PDIK1L: variants seen among roughly 807,000 people sequenced by gnomAD.
PDIK1L encodes the protein serine/threonine-protein kinase PDIK1L.
A neutral mutation model predicts 27.1 loss-of-function variants in PDIK1L; 9 were observed. The observed-to-expected ratio is 0.33, with a 90% CI of 0.20 to 0.58. PDIK1L has a LOEUF of 0.58. Ranked by LOEUF, PDIK1L falls within the 20% of genes least tolerant of loss-of-function variation. PDIK1L has a pLI of 0.86. For synonymous variants in PDIK1L, 130 were observed against 141.7 expected, an observed-to-expected ratio of 0.92 and a Z score of 0.59; for missense variants, 216 against 413.2, an observed-to-expected ratio of 0.52 and a Z score of 4.14.
rs1557599713 is a variant in PDIK1L, at chr1:26,124,221, C to G, written c.*1644C>G. The G allele has an allele frequency of 6.6e-6, 1 of 152,312 alleles. No homozygotes were observed. Among genetic ancestry groups the G allele is most frequent in the Non-Finnish European group, 1.5e-5 (1 of 67,988 alleles). The allele number at this position is 152,312 out of a possible 1,614,324, so 9.4% of individuals were successfully genotyped here. A position where few individuals can be genotyped will look rare whatever the true frequency, so the allele number is the denominator to read the frequency against. On this transcript the variant is annotated 3_prime_UTR_variant, in exon 3 of 3. Transcript: ENST00000374269. ...AATTGCAGTACATAAAATTTCTGGACTATGTTAGTTACTTGATCTGGAAGT... is the reference window on the plus strand; with the variant it reads ...AATTGCAGTACATAAAATTTCTGGAGTATGTTAGTTACTTGATCTGGAAGT...
At chr1:26,116,683 G>T (rs1054337830) in intron 2 of PDIK1L, among the ~76,000 whole-genome samples, 2 of 152,162 alleles carry the variant, frequency 1.3e-5, no homozygotes, top group African/African-American at 2.4e-5. Context: ...TTATATTGCA[G>T]TTTAGCACTC....
chr1:26,117,015 CTTTTTTTTTTTT>C (rs60381058), intron 2 of PDIK1L, among the ~76,000 whole-genome samples: 3 of 103,564 alleles, frequency 2.9e-5, no homozygotes, highest in South Asian at 3.2e-4. Context: ...TGCGCCCAAC[CTTTTTTTTTTTT>C]TTTTTTTTTT....
rs1488066640 is a variant in PDIK1L at position 26,122,894 on chromosome 1, C to CTTA, written c.*317_*318insTTA. On this transcript the variant is annotated 3_prime_UTR_variant, in exon 3 of 3. Coordinates refer to ENST00000374269, the MANE Select transcript of PDIK1L (RefSeq NM_152835.5). This position sits in a 1 kb window ranked among gnomAD's most constrained non-coding sequence, Gnocchi z 5.4. Reference sequence around the variant, plus strand: ...GAAATATGTCTTTAAGTATTTTAGACATTCCTCGTCAGTATTAGGAATTTC... The same window carrying CTTA: ...GAAATATGTCTTTAAGTATTTTAGACTTAATTCCTCGTCAGTATTAGGAATTTC... The CTTA allele has an allele frequency of 1.5e-5, 3 of 194,556 alleles. No individual in the cohort carries two copies. Among genetic ancestry groups the CTTA allele is most frequent in the African/African-American group, 7.0e-5 (3 of 42,666 alleles). The allele number at this position is 194,556 out of a possible 1,614,324, so 12.1% of individuals were successfully genotyped here.
At chr1:26,113,498 T>TA (rs67443362) in intron 1 of PDIK1L, among the ~76,000 whole-genome samples, 23,566 of 90,632 alleles carry the variant, frequency 0.26, 2,854 homozygotes, top group East Asian at 0.39. Flanking sequence ...AGACTCCGTC[T>TA]AAAAAAAAAA....
In PDIK1L at chr1:26,111,963, A is replaced by C. The variant is rs562843613; in HGVS notation, c.-18+48A>C. ...GCGGAGAGGTCTTGCTGCAGAGCCGATGGCCCTGCATGTGCCTCCCTCCCT... is the reference window on the plus strand; with the variant it reads ...GCGGAGAGGTCTTGCTGCAGAGCCGCTGGCCCTGCATGTGCCTCCCTCCCT... On this transcript the variant is annotated intron_variant, in intron 1 of 2. Transcript: ENST00000374269. The surrounding 1 kb of genome is among the most constrained non-coding windows in gnomAD (Gnocchi z 4.0). 1 of 152,206 alleles carries C rather than the reference A, an allele frequency of 6.6e-6. No homozygotes were observed. The highest frequency in any genetic ancestry group is 2.0e-4 in the East Asian group (1 of 5,126). The allele number at this position is 152,206 out of a possible 1,614,324, so 9.4% of individuals were successfully genotyped here.
At chr1:26,115,116 A>G (rs1417538424) in intron 2 of PDIK1L, among the ~76,000 whole-genome samples, 1 of 152,236 alleles carries the variant, frequency 6.6e-6, no homozygotes, top group Non-Finnish European at 1.5e-5. Context: ...TAACAGTGCT[A>G]ACAGCTAACA....
chr1:26,120,753 A>C (rs2087966224), intron 2 of PDIK1L, among the ~76,000 whole-genome samples: 1 of 152,158 alleles, frequency 6.6e-6, no homozygotes, highest in Non-Finnish European at 1.5e-5. Context: ...AGAGATTGAG[A>C]CCATCCTGGC....
At chr1:26,118,626 G>A (rs1343105358) in intron 2 of PDIK1L, among the ~76,000 whole-genome samples, 1 of 152,126 alleles carries the variant, frequency 6.6e-6, no homozygotes, top group Non-Finnish European at 1.5e-5. Context: ...ACTTTGTATA[G>A]GAGTTGTCAA....
At chr1:26,113,269 C>T (rs1026520933) in intron 1 of PDIK1L, among the ~76,000 whole-genome samples, 1 of 151,992 alleles carries the variant, frequency 6.6e-6, no homozygotes, top group Non-Finnish European at 1.5e-5. Context: ...GCGGGCGGAT[C>T]ACGAGGTCAG....
At chr1:26,113,871 G>C (rs2087839409) in intron 1 of PDIK1L, among the ~76,000 whole-genome samples, 2 of 152,244 alleles carry the variant, frequency 1.3e-5, no homozygotes, top group South Asian at 4.1e-4. Flanking sequence ...ACATTTTCAA[G>C]CAGTTCATAT....
At position 26,124,130 on chromosome 1, in the gene PDIK1L, T is replaced by C. The variant is rs550700153; in HGVS notation, c.*1553T>C. 3.3e-4 allele frequency: 51 copies of C among 152,768 alleles called. No individual in the cohort carries two copies. Among genetic ancestry groups the C allele is most frequent in the African/African-American group, 1.1e-3 (47 of 41,582 alleles). 9.5% of individuals were successfully genotyped at this position (152,768 alleles called of 1,614,324 possible). ...TTGAACTTCCACAATTTTTGGAATA[T>C]GTCATAATTTTTTTCCCTGTTTCAA... is the stretch of plus-strand genomic sequence containing the variant. On this transcript the variant is annotated 3_prime_UTR_variant, in exon 3 of 3. Transcript: ENST00000374269.
At chr1:26,111,524 C>T (rs1190099827), upstream of PDIK1L, 1 of 151,064 alleles carries the variant, frequency 6.6e-6, no homozygotes, top group Non-Finnish European at 1.5e-5. This position sits in a 1 kb window ranked among gnomAD's most constrained non-coding sequence, Gnocchi z 4.0. Context: ...GCCGCGGGCC[C>T]TGAGCGCCCG....
At chr1:26,113,044 C>T (rs373623799) in intron 1 of PDIK1L, among the ~76,000 whole-genome samples, 1 of 152,022 alleles carries the variant, frequency 6.6e-6, no homozygotes, top group Admixed American at 6.6e-5. Flanking sequence ...TCTTTGTTGG[C>T]AAAAATGACC....
chr1:26,123,201 A>G lies in PDIK1L; in HGVS notation c.*624A>G, dbSNP rs1261322625. The G allele has an allele frequency of 6.8e-6, 1 of 147,868 alleles. No homozygotes were observed. The allele number at this position is 147,868 out of a possible 1,614,324, so 9.2% of individuals were successfully genotyped here. ...GTTTTTTTTTTTTTTTGTAATATAC[A>G]GCTTTTTTTTTAAGGCATCATTTTC... On this transcript the variant is annotated 3_prime_UTR_variant, in exon 3 of 3. Coordinates refer to ENST00000374269, the MANE Select transcript of PDIK1L (RefSeq NM_152835.5).
Position 26,124,810 on chromosome 1 carries a change from A to G in PDIK1L, c.*2233A>G, listed in dbSNP as rs1415124777. 1 of 152,200 alleles carries G rather than the reference A, an allele frequency of 6.6e-6. No homozygotes were observed. Among genetic ancestry groups the G allele is most frequent in the Non-Finnish European group, 1.5e-5 (1 of 68,012 alleles). 9.4% of individuals were successfully genotyped at this position (152,200 alleles called of 1,614,324 possible). ...AGTCAGAGGTATTTATTAAGTACCTACTGTGTGCTCAGCACTAAAGGTTTG... is the reference window on the plus strand; with the variant it reads ...AGTCAGAGGTATTTATTAAGTACCTGCTGTGTGCTCAGCACTAAAGGTTTG... On this transcript the variant is annotated 3_prime_UTR_variant, in exon 3 of 3. Transcript: ENST00000374269.
chr1:26,117,604 G>T (rs2087901764), intron 2 of PDIK1L, among the ~76,000 whole-genome samples: 1 of 152,156 alleles, frequency 6.6e-6, no homozygotes, highest in East Asian at 1.9e-4. Context: ...TTAGCCAGGT[G>T]TGGCAGCGTG....
rs375003273 is a variant in PDIK1L, at chr1:26,119,174, G to A, written c.286-2663G>A. Among the ~76,000 whole-genome samples, 15 of 152,302 alleles carry A rather than the reference G, an allele frequency of 9.8e-5. No individual in the cohort carries two copies. In the East Asian group the frequency reaches 2.5e-3, roughly 25 times the overall value. The stretch of plus-strand genomic sequence containing the variant: ...TGCAATCCCAGCACTTTGGGAGGCT[G>A]AGGCAGGTGAATCACTTGAGTGCAG... On this transcript the variant is annotated intron_variant, in intron 2 of 2. Transcript: ENST00000374269.
In PDIK1L at chr1:26,122,869, G is replaced by C; in HGVS notation, c.*292G>C. 4.3e-6 allele frequency: 1 copy of C among 232,528 alleles called. No homozygotes were observed. The highest frequency in any genetic ancestry group is 1.1e-4 in the South Asian group (1 of 8,918). 14.4% of individuals were successfully genotyped at this position (232,528 alleles called of 1,614,324 possible). On this transcript the variant is annotated 3_prime_UTR_variant, in exon 3 of 3. Transcript: ENST00000374269. The surrounding 1 kb of genome is among the most constrained non-coding windows in gnomAD (Gnocchi z 5.4). ...CAAGAGAAGAGAGTCCAGTTTTCTGGAAATATGTCTTTAAGTATTTTAGAC... is the reference window on the plus strand; with the variant it reads ...CAAGAGAAGAGAGTCCAGTTTTCTGCAAATATGTCTTTAAGTATTTTAGAC...
At position 26,111,891 on chromosome 1, in the gene PDIK1L, G is replaced by T. The variant is rs1435165541; in HGVS notation, c.-42G>T. Reference sequence around the variant, plus strand: ...GGCGGCCTGCAGAGCCCATGAGAGGGAGAAGCGGCAGCGTCTACCCTGAGG... The same window carrying T: ...GGCGGCCTGCAGAGCCCATGAGAGGTAGAAGCGGCAGCGTCTACCCTGAGG... On this transcript the variant is annotated 5_prime_UTR_variant, in exon 1 of 3. An upstream open reading frame in the 5' UTR gains an earlier in-frame stop. Coordinates refer to ENST00000374269, the MANE Select transcript of PDIK1L (RefSeq NM_152835.5). This position sits in a 1 kb window ranked among gnomAD's most constrained non-coding sequence, Gnocchi z 4.0. The T allele has an allele frequency of 2.0e-5, 3 of 152,108 alleles. No homozygotes were observed. Among genetic ancestry groups the T allele is most frequent in the African/African-American group, 7.2e-5 (3 of 41,442 alleles). The allele number at this position is 152,108 out of a possible 1,614,324, so 9.4% of individuals were successfully genotyped here.
Sources: gnomAD v4.1 joint callset for allele counts (sites outside exome capture counted in the v4.1 genomes callset) on GRCh38, gnomAD v4.1.1 for gene constraint, Gnocchi (gnomAD v3.1) non-coding constraint, MANE v1.5 for transcripts, NCBI Gene and HGNC (gene_info 2026-07-23, HGNC 2026-07-21) for gene names.